The following MROH2A variants were observed in gnomAD, a reference collection of about 807,000 sequenced individuals.
The protein encoded by MROH2A is maestro heat-like repeat-containing protein family member 2A.
A neutral mutation model predicts 200.4 loss-of-function variants in MROH2A; 174 were observed. The observed-to-expected ratio is 0.87, with a 90% CI of 0.77 to 0.98. The LOEUF (loss-of-function observed/expected upper bound fraction) is 0.98, where lower values mean the gene tolerates loss of function less well. MROH2A is among the 50% of genes least tolerant of loss of function. The pLI is 0.00. For missense variants in MROH2A, 2,045 were observed against 2,139.6 expected, an observed-to-expected ratio of 0.96 and a Z score of 0.87; for synonymous variants, 829 against 840.4, an observed-to-expected ratio of 0.99 and a Z score of 0.23.
chr2:233,822,721 T>C, intron 33 of MROH2A, 160 bp from the exon 34 acceptor site: 1 of 1,156,418 alleles, frequency 8.6e-7, no homozygotes, highest in Non-Finnish European at 1.2e-6. Flanking sequence ...CACGGTGTGG[T>C]TTTCAGAGCT....
chr2:233,811,692 C>T (rs1703165967), intron 23 of MROH2A, among the ~76,000 whole-genome samples, 188 bp from the exon 24 acceptor site: 1 of 152,248 alleles, frequency 6.6e-6, no homozygotes, highest in South Asian at 2.1e-4. Context: ...CCCAGGCCCA[C>T]TTTGGGCCCT....
chr2:233,789,507 A>T lies in MROH2A; in HGVS notation c.287A>T (p.Gln96Leu). 7.0e-7 allele frequency: 1 copy of T among 1,426,138 alleles called. No homozygotes were observed. The highest frequency in any genetic ancestry group is 9.2e-7 in the Non-Finnish European group (1 of 1,085,506). 88.3% of individuals were successfully genotyped at this position (1,426,138 alleles called of 1,614,324 possible). ...RCLQVPEIST[Q>L]RKVNIYNILQ... ...ATACTTGTTTCCCAGATTTCCACCCAGCGCAAGGTCAACATTTACAACATC... is the reference window on the plus strand; with the variant it reads ...ATACTTGTTTCCCAGATTTCCACCCTGCGCAAGGTCAACATTTACAACATC... Residue 96 changes from glutamine (Q) to leucine (L), a missense_variant, in exon 4 of 42, where the codon CAG (glutamine) becomes CTG (leucine). Physicochemically the swap from Gln to Leu is moderately radical, Grantham distance 113 (BLOSUM62 -2). This residue lies in a region of MROH2A where 831 missense variants were observed against 800.0 expected (regional missense o/e 1.04). Coordinates refer to ENST00000389758, the MANE Select transcript of MROH2A (RefSeq NM_001394639.1).
chr2:233,783,382 T>C (rs1263020271), intron 3 of MROH2A, among the ~76,000 whole-genome samples: 1 of 152,212 alleles, frequency 6.6e-6, no homozygotes, highest in African/African-American at 2.4e-5. Flanking sequence ...TTTTTATTAC[T>C]GTCAATCTCA....
rs771813961 is a variant in MROH2A, at chr2:233,802,213, G to T, written c.1606G>T (p.Val536Leu). 6.5e-7 allele frequency: 1 copy of T among 1,550,306 alleles called. No homozygotes were observed. The highest frequency in any genetic ancestry group is 8.7e-7 in the Non-Finnish European group (1 of 1,146,898). The stretch of plus-strand genomic sequence containing the variant: ...GTGCTACATCATGGAGACAGACTAC[G>T]TGGAAGCTTTGACTCCTATCTGTAT... ...LLCYIMETDYVEALTPICISL... is the reference protein window; with the variant it reads ...LLCYIMETDYLEALTPICISL... The change falls in exon 15 of 42, where the codon GTG (valine) becomes TTG (leucine). Residue 536 changes from valine (V) to leucine (L), a missense_variant. Physicochemically the swap from Val to Leu is conservative, Grantham distance 32 (BLOSUM62 1). Coordinates refer to ENST00000389758, the MANE Select transcript of MROH2A (RefSeq NM_001394639.1).
intron 3 of MROH2A, among the ~76,000 whole-genome samples, chr2:233,787,522 A>G (rs1280452126): frequency 1.6e-5 from 2 of 122,650 alleles, no homozygotes; most frequent in African/African-American, 6.5e-5. Flanking sequence ...ATATACATAT[A>G]TATTACATAT....
intron 6 of MROH2A, 95 bp downstream of exon 6, chr2:233,792,989 AG>A: frequency 1.6e-6 from 2 of 1,218,474 alleles, no homozygotes; most frequent in Non-Finnish European, 1.2e-6. Context: ...GTTGAAAAAG[AG>A]GTGCACTGTT....
intron 5 of MROH2A, among the ~76,000 whole-genome samples, chr2:233,791,926 TG>T (rs1367411035): frequency 6.6e-6 from 1 of 151,958 alleles, no homozygotes; most frequent in Non-Finnish European, 1.5e-5. Flanking sequence ...AGTCTGAAGA[TG>T]GGGGTGCACT....
chr2:233,789,509 C>A lies in MROH2A; in HGVS notation c.289C>A (p.Arg97Ser). The change falls in exon 4 of 42, where the codon CGC becomes AGC. Residue 97 changes from arginine to serine, a missense_variant. By Grantham distance (110) the Arg-to-Ser change is moderately radical. This residue lies in a region of MROH2A where 831 missense variants were observed against 800.0 expected (regional missense o/e 1.04). Coordinates refer to ENST00000389758, the MANE Select transcript of MROH2A (RefSeq NM_001394639.1). ...ACTTGTTTCCCAGATTTCCACCCAG[C>A]GCAAGGTCAACATTTACAACATCCT... ...CLQVPEISTQRKVNIYNILQD... is the reference protein window; with the variant it reads ...CLQVPEISTQSKVNIYNILQD... 7.0e-7 allele frequency: 1 copy of A among 1,436,280 alleles called. No individual in the cohort carries two copies. Among genetic ancestry groups the A allele is most frequent in the Non-Finnish European group, 9.2e-7 (1 of 1,091,588 alleles). The allele number at this position is 1,436,280 out of a possible 1,614,324, so 89.0% of individuals were successfully genotyped here.
intron 35 of MROH2A, among the ~76,000 whole-genome samples, chr2:233,827,448 A>G (rs1471615457): frequency 1.3e-5 from 2 of 152,218 alleles, no homozygotes; most frequent in Non-Finnish European, 2.9e-5. Context: ...GGAAGTCATT[A>G]TCCTCAGCAA....
In MROH2A at chr2:233,833,270, CAT is replaced by C. The variant is rs1248409908; in HGVS notation, c.*13_*14del. On this transcript the variant is annotated 3_prime_UTR_variant, in exon 42 of 42. Coordinates refer to ENST00000389758, the MANE Select transcript of MROH2A (RefSeq NM_001394639.1). ...CAAGGAATGTCCTAGGTGGTCCAAACATAAGACGTAAACTGTCTTCTTAGTGC... is the reference window on the plus strand; with the variant it reads ...CAAGGAATGTCCTAGGTGGTCCAAACAAGACGTAAACTGTCTTCTTAGTGC... The C allele has an allele frequency of 2.0e-6, 3 of 1,525,782 alleles. No homozygotes were observed. Among genetic ancestry groups the C allele is most frequent in the East Asian group, 5.0e-5 (2 of 40,298 alleles). 94.5% of individuals were successfully genotyped at this position (1,525,782 alleles called of 1,614,324 possible).
At chr2:233,789,697 C>T in intron 4 of MROH2A, 69 bp downstream of exon 4, 1 of 1,437,794 alleles carries the variant, frequency 7.0e-7, no homozygotes, top group Non-Finnish European at 9.2e-7. Context: ...GGGGCCTGGC[C>T]CAGGATGCCC....
intron 19 of MROH2A, among the ~76,000 whole-genome samples, chr2:233,806,850 A>G (rs1467886643): frequency 6.6e-6 from 1 of 152,070 alleles, no homozygotes. Flanking sequence ...CTTCGGTTAC[A>G]TGAATAAATG....
At chr2:233,797,324 A>T (rs1006692514) in intron 11 of MROH2A, among the ~76,000 whole-genome samples, 1 of 152,256 alleles carries the variant, frequency 6.6e-6, no homozygotes, top group African/African-American at 2.4e-5. Context: ...TCCAAAGGAC[A>T]TAATTTCCCA....
At position 233,798,791 on chromosome 2, in the gene MROH2A, A is replaced by T. The variant is rs1702272454; in HGVS notation, c.1270A>T (p.Arg424Trp). Residue 424 changes from arginine (R) to tryptophan (W), a missense_variant, in exon 12 of 42, where the codon AGG becomes TGG. Transcript: ENST00000389758. ...VSADEPRMSIRAIYLAIRVVK... is the reference protein window; with the variant it reads ...VSADEPRMSIWAIYLAIRVVK... ...TCTTTCAGAGCCCAGGATGAGTATC[A>T]GGGCCATCTACCTGGCTATCCGGGT... is the stretch of plus-strand genomic sequence containing the variant. 6.4e-7 allele frequency: 1 copy of T among 1,550,424 alleles called. No homozygotes were observed. Among genetic ancestry groups the T allele is most frequent in the African/African-American group, 1.4e-5 (1 of 73,152 alleles).
intron 5 of MROH2A, among the ~76,000 whole-genome samples, chr2:233,791,439 G>T (rs1425942358): frequency 6.6e-6 from 1 of 152,176 alleles, no homozygotes; most frequent in Non-Finnish European, 1.5e-5. Flanking sequence ...TGAGAGTTGG[G>T]AGCTCAAGTG....
intron 24 of MROH2A, 129 bp downstream of exon 24, chr2:233,812,088 A>T (rs988344): frequency 5.1e-5 from 34 of 669,238 alleles, no homozygotes; most frequent in East Asian, 1.7e-4. Flanking sequence ...TCTCACTTGG[A>T]GGCTCCCCAG....
rs753268766 is a variant in MROH2A at position 233,795,682 on chromosome 2, C to T, written c.996C>T (p.Val332=). ...TGAGGCAGATCCTGGAACTGTCAGTCACCACCAACACCCCTGTCCCCCAAA... is the reference window on the plus strand; with the variant it reads ...TGAGGCAGATCCTGGAACTGTCAGTTACCACCAACACCCCTGTCCCCCAAA... ...QVLRQILELS[V]TTNTPVPQMQ... The change falls in exon 9 of 42, where the codon GTC becomes GTT. Residue 332 remains valine (V), a synonymous_variant. Transcript: ENST00000389758. 1.3e-6 allele frequency: 2 copies of T among 1,551,112 alleles called. No homozygotes were observed. Among genetic ancestry groups the T allele is most frequent in the East Asian group, 2.4e-5 (1 of 40,916 alleles).
At chr2:233,822,837 G>A (rs781660547) in intron 33 of MROH2A, 44 bp from the exon 34 acceptor site, 31 of 1,543,948 alleles carry the variant, frequency 2.0e-5, no homozygotes, top group Admixed American at 7.9e-5. Context: ...CAGGCCATGC[G>A]CTCCCAGCAG....
At chr2:233,785,120 T>A (rs571283133) in intron 3 of MROH2A, among the ~76,000 whole-genome samples, 80 of 150,932 alleles carry the variant, frequency 5.3e-4, no homozygotes, top group African/African-American at 1.9e-3. Flanking sequence ...CACTCCAGCC[T>A]GGATGAAAGA....
Sources: allele counts gnomAD v4.1 joint callset (sites outside exome capture counted in the v4.1 genomes callset), GRCh38; gene constraint gnomAD v4.1.1; regional missense constraint gnomAD v4.1.1; transcripts MANE v1.5; gene names NCBI Gene and HGNC (gene_info 2026-07-23, HGNC 2026-07-21).